PCSK7: variants seen among roughly 807,000 people sequenced by gnomAD.
PCSK7 encodes proprotein convertase subtilisin/kexin type 7.
Under a neutral mutation model 73.3 loss-of-function variants are expected in PCSK7, and 38 were observed. That is an observed-to-expected ratio of 0.52 (90% CI 0.40 to 0.68). PCSK7 has a LOEUF of 0.68. PCSK7 is among the 30% of genes least tolerant of loss of function. The probability of loss-of-function intolerance (pLI) is 0.00; values close to 1 mark genes in which losing one functional copy is unlikely to be tolerated. For missense variants in PCSK7, 692 were observed against 991.5 expected (o/e 0.70, Z 4.06); for synonymous variants, 296 against 383.8 (o/e 0.77, Z 2.68).
chr11:117,224,869 A>C, intron 6 of PCSK7, 114 bp from the exon 7 acceptor site: 1 of 781,104 alleles, frequency 1.3e-6, no homozygotes, highest in Middle Eastern at 3.6e-4. Context: ...AACTCCTCCC[A>C]AGGGTTCCAC....
Position 117,205,809 on chromosome 11 carries a change from C to T in PCSK7, c.*188G>A. ...AGCTCCCGTTTGGCTGGAGGCAGAC[C>T]CTGTGGCTCTGACCAGACTTCTCTG... On this transcript the variant is annotated 3_prime_UTR_variant, in exon 17 of 17. Coordinates refer to ENST00000320934, the MANE Select transcript of PCSK7 (RefSeq NM_004716.4). 2.1e-6 allele frequency: 1 copy of T among 481,936 alleles called. No individual in the cohort carries two copies. Among genetic ancestry groups the T allele is most frequent in the Non-Finnish European group, 3.7e-6 (1 of 273,514 alleles). The allele number at this position is 481,936 out of a possible 1,614,324, so 29.9% of individuals were successfully genotyped here.
At chr11:117,224,997 T>A (rs963205104) in intron 6 of PCSK7, 5 of 470,338 alleles carry the variant, frequency 1.1e-5, no homozygotes, top group African/African-American at 8.0e-5. Flanking sequence ...TAGCCCATAG[T>A]GGCAGAGAGG....
chr11:117,216,416 G>C, intron 12 of PCSK7: 1 of 150,964 alleles, frequency 6.6e-6, no homozygotes, highest in South Asian at 2.1e-4. Flanking sequence ...TCCTGGGACT[G>C]AGCTGCTCAA....
Position 117,218,417 on chromosome 11 carries a change from G to T in PCSK7, c.1534+49C>A. The T allele has an allele frequency of 9.8e-7, 1 of 1,017,108 alleles. No individual in the cohort carries two copies. Among genetic ancestry groups the T allele is most frequent in the Non-Finnish European group, 1.4e-6 (1 of 694,182 alleles). 63.0% of individuals were successfully genotyped at this position (1,017,108 alleles called of 1,614,324 possible). On this transcript the variant is annotated intron_variant, in intron 12 of 16. Coordinates refer to ENST00000320934, the MANE Select transcript of PCSK7 (RefSeq NM_004716.4). The surrounding 1 kb of genome is among the most constrained non-coding windows in gnomAD (Gnocchi z 4.0). ...ACGAGTTTAACTTCCTTGTCACCCG[G>T]CCCCAAACCTCAGGCCTAAGATTAA...
chr11:117,215,049 C>T (rs566873936), intron 12 of PCSK7: 1 of 152,288 alleles, frequency 6.6e-6, no homozygotes, highest in East Asian at 1.9e-4. Context: ...ATCCCCTCTC[C>T]CTCATAACCT....
intron 3 of PCSK7, 89 bp from the exon 4 acceptor site, chr11:117,228,439 G>T: frequency 8.3e-7 from 1 of 1,211,708 alleles, no homozygotes; most frequent in Non-Finnish European, 1.2e-6. Flanking sequence ...TTTCACCCTT[G>T]GCCTCCACCA....
Position 117,218,378 on chromosome 11 carries a change from A to C in PCSK7, c.1534+88T>G. On this transcript the variant is annotated intron_variant, in intron 12 of 16. Coordinates refer to ENST00000320934, the MANE Select transcript of PCSK7 (RefSeq NM_004716.4). The surrounding 1 kb of genome is among the most constrained non-coding windows in gnomAD (Gnocchi z 4.0). ...GAGCTCAGCTCCGAAAGGGGGTAGA[A>C]TCTGGCAGGGAGGACGAGTTTAACT... 1.5e-6 allele frequency: 1 copy of C among 679,298 alleles called. No homozygotes were observed. Among genetic ancestry groups the C allele is most frequent in the Non-Finnish European group, 2.5e-6 (1 of 406,638 alleles). The allele number at this position is 679,298 out of a possible 1,614,324, so 42.1% of individuals were successfully genotyped here. A position where few individuals can be genotyped will look rare whatever the true frequency, so the allele number is the denominator to read the frequency against.
At chr11:117,228,670 G>A (rs1026631567) in intron 3 of PCSK7, among the ~76,000 whole-genome samples, 1 of 151,054 alleles carries the variant, frequency 6.6e-6, no homozygotes, top group East Asian at 1.9e-4. Context: ...CTGGAGTGTG[G>A]AGTGCAGTGG....
At position 117,218,554 on chromosome 11, in the gene PCSK7, G is replaced by A. The variant is rs761930719; in HGVS notation, c.1446C>T (p.Val482=). The change falls in exon 12 of 17, where the codon GTC becomes GTT. Residue 482 remains valine (V), a synonymous_variant. Transcript: ENST00000320934. This position sits in a 1 kb window ranked among gnomAD's most constrained non-coding sequence, Gnocchi z 4.0. ...GACTGACGTAGGATGCTAAGTAAGG[G>A]ACAGATGTCCAGATCTATGAAAGGA... ...LVNAAKIWTS[V]PYLASYVSPV... 29 of 1,598,516 alleles carry A rather than the reference G, an allele frequency of 1.8e-5. No homozygotes were observed. Among genetic ancestry groups the A allele is most frequent in the Non-Finnish European group, 2.4e-5 (28 of 1,170,142 alleles).
chr11:117,210,082 TAC>T (rs2031653157), intron 12 of PCSK7: 2 of 152,206 alleles, frequency 1.3e-5, no homozygotes, highest in South Asian at 2.1e-4. Context: ...TGCATACAGC[TAC>T]ACACGCGCAT....
Position 117,218,642 on chromosome 11 carries a change from G to T in PCSK7, c.1432-74C>A. ...CACCCACATTCTCACAAACACACAC[G>T]CCCTTGTCAATACGATCTTGAAGGT... is the stretch of plus-strand genomic sequence containing the variant. On this transcript the variant is annotated intron_variant, in intron 11 of 16. Transcript: ENST00000320934. This position sits in a 1 kb window ranked among gnomAD's most constrained non-coding sequence, Gnocchi z 4.0. The T allele has an allele frequency of 1.3e-6, 1 of 775,718 alleles. No individual in the cohort carries two copies. Among genetic ancestry groups the T allele is most frequent in the Non-Finnish European group, 2.1e-6 (1 of 465,566 alleles). The allele number at this position is 775,718 out of a possible 1,614,324, so 48.1% of individuals were successfully genotyped here.
chr11:117,219,155 G>A lies in PCSK7; in HGVS notation c.1333C>T (p.Arg445Cys), dbSNP rs757871447. 19 of 1,607,600 alleles carry A rather than the reference G, an allele frequency of 1.2e-5. No homozygotes were observed. Among genetic ancestry groups the A allele is most frequent in the East Asian group, 1.1e-4 (5 of 44,836 alleles). ...IVFTATRYED[R>C]RAEWVTNEAG... ...TCGTTGGTGACCCACTCTGCACGGCGATCCTCATACTGAAAGGACAGAGGT... is the reference window on the plus strand; with the variant it reads ...TCGTTGGTGACCCACTCTGCACGGCAATCCTCATACTGAAAGGACAGAGGT... Residue 445 changes from arginine to cysteine, a missense_variant, in exon 11 of 17, where the codon CGC becomes TGC. By Grantham distance (180) the Arg-to-Cys change is radical (BLOSUM62 -3). Around this residue, in one of 6 missense-constraint regions of PCSK7, gnomAD observed 574 missense variants for 689.8 expected, o/e 0.83. Coordinates refer to ENST00000320934, the MANE Select transcript of PCSK7 (RefSeq NM_004716.4).
rs571538440 is a variant in PCSK7 at position 117,225,055 on chromosome 11, C to CTTTTTTTTTTTTTT, written c.861-314_861-301dup. ...ATCTAGGGATCAGAGACATGTAGACCTTTTTTTTTTTTTTTTTTTCTCCTG... is the reference window on the plus strand; with the variant it reads ...ATCTAGGGATCAGAGACATGTAGACCTTTTTTTTTTTTTTTTTTTTTTTTTTTTTTTTTCTCCTG... On this transcript the variant is annotated intron_variant, in intron 6 of 16. Transcript: ENST00000320934. The CTTTTTTTTTTTTTT allele has an allele frequency of 2.2e-5, 3 of 134,178 alleles. 1 individual carries two copies. Among genetic ancestry groups the CTTTTTTTTTTTTTT allele is most frequent in the Non-Finnish European group, 3.0e-5 (2 of 67,448 alleles). The allele number at this position is 134,178 out of a possible 1,614,324, so 8.3% of individuals were successfully genotyped here. A position where few individuals can be genotyped will look rare whatever the true frequency, so the allele number is the denominator to read the frequency against.
chr11:117,223,436 G>A lies in PCSK7; in HGVS notation c.1055-128C>T, dbSNP rs182094256. 8.5e-4 allele frequency: 567 copies of A among 663,556 alleles called. 1 individual carries two copies. Among genetic ancestry groups the A allele is most frequent in the Non-Finnish European group, 1.4e-3 (496 of 364,172 alleles). 41.1% of individuals were successfully genotyped at this position (663,556 alleles called of 1,614,324 possible). On this transcript the variant is annotated intron_variant, in intron 8 of 16. Transcript: ENST00000320934. ...CCTGAGTTTGAAACATGATCTGAGC[G>A]GCCCACGTCCCTCAGAGCAGTCCTG...
chr11:117,228,315 C>T lies in PCSK7; in HGVS notation c.504G>A (p.Val168=), dbSNP rs201221101. 1.4e-4 allele frequency: 225 copies of T among 1,614,092 alleles called. 3 individuals are homozygous for T. In the Admixed American group the frequency reaches 3.7e-3, roughly 27 times the overall value. Reference sequence around the variant, plus strand: ...TCACATTGCGTTCCCACACACCCGTCACGTTGATGTCCCTGCCCGGGCTCC... The same window carrying T: ...TCACATTGCGTTCCCACACACCCGTTACGTTGATGTCCCTGCCCGGGCTCC... ...NRRSPGRDIN[V]TGVWERNVTG... is the part of the protein sequence containing the mutation. Residue 168 remains valine, a synonymous_variant, in exon 4 of 17, where the codon GTG becomes GTA. Coordinates refer to ENST00000320934, the MANE Select transcript of PCSK7 (RefSeq NM_004716.4).
chr11:117,224,122 C>T lies in PCSK7; in HGVS notation c.1010G>A (p.Cys337Tyr), dbSNP rs748357376. 2 of 1,601,410 alleles carry T rather than the reference C, an allele frequency of 1.2e-6. No individual in the cohort carries two copies. Residue 337 changes from cysteine (C) to tyrosine (Y), a missense_variant, in exon 8 of 17, where the codon TGC (cysteine) becomes TAC (tyrosine). Physicochemically the swap from Cys to Tyr is radical, Grantham distance 194. Transcript: ENST00000320934. Reference protein sequence around the residue: ...SGNGGQHNDNCNYDGYANSIY... With the variant: ...SGNGGQHNDNYNYDGYANSIY... ...GGAGTTGGCGTAGCCATCGTAGTTG[C>T]AGTTGTCGTTGTGTTGGCCTCCGTT... is the stretch of plus-strand genomic sequence containing the variant.
intron 8 of PCSK7, 141 bp downstream of exon 8, chr11:117,223,937 C>A: frequency 1.2e-6 from 1 of 840,792 alleles, no homozygotes. Flanking sequence ...AGGTCCTCTG[C>A]AAGCAGGGCT....
intron 4 of PCSK7, among the ~76,000 whole-genome samples, chr11:117,227,820 C>A (rs915400452): frequency 1.3e-5 from 2 of 152,192 alleles, no homozygotes; most frequent in Non-Finnish European, 2.9e-5. Flanking sequence ...CTGAGAAGTG[C>A]CACAGCTCCC....
rs1048922719 is a variant in PCSK7 at position 117,205,484 on chromosome 11, A to C, written c.*513T>G. On this transcript the variant is annotated 3_prime_UTR_variant, in exon 17 of 17. Coordinates refer to ENST00000320934, the MANE Select transcript of PCSK7 (RefSeq NM_004716.4). ...GGGGTGGTGAAGGAGCCAGGGGTTC[A>C]TTCATGGTTGGTTTCTGATCAGGCA... 1.7e-5 allele frequency: 4 copies of C among 233,996 alleles called. No individual in the cohort carries two copies. The highest frequency in any genetic ancestry group is 8.8e-5 in the African/African-American group (4 of 45,346). The allele number at this position is 233,996 out of a possible 1,614,324, so 14.5% of individuals were successfully genotyped here. A position where few individuals can be genotyped will look rare whatever the true frequency, so the allele number is the denominator to read the frequency against.
Sources: allele counts gnomAD v4.1 joint callset (sites outside exome capture counted in the v4.1 genomes callset), GRCh38; gene constraint gnomAD v4.1.1; regional missense constraint gnomAD v4.1.1; non-coding constraint Gnocchi (gnomAD v3.1); transcripts MANE v1.5; gene names NCBI Gene and HGNC (gene_info 2026-07-23, HGNC 2026-07-21).